The following CHIC1 variants were observed in gnomAD, a reference collection of about 807,000 sequenced individuals.
The protein encoded by CHIC1 is cysteine rich hydrophobic domain 1, also known as cysteine-rich hydrophobic domain-containing protein 1.
A neutral mutation model predicts 18.5 loss-of-function variants in CHIC1; 7 were observed. The ratio of observed to expected loss-of-function variants is 0.38; its 90% CI spans 0.22 to 0.71. The LOEUF is 0.71. CHIC1 is among the 30% of genes least tolerant of loss of function. The pLI is 0.49. For synonymous variants in CHIC1, 77 were observed against 73.5 expected, an observed-to-expected ratio of 1.05 and a Z score of -0.25; for missense variants, 159 against 176.9, an observed-to-expected ratio of 0.90 and a Z score of 0.57.
chrX:73,640,926 G>A (rs1455563892), intron 3 of CHIC1, among the ~76,000 whole-genome samples: 1 of 111,212 alleles, frequency 9.0e-6, no homozygotes, highest in Non-Finnish European at 1.9e-5. Context: ...TCTTCTAGTT[G>A]TGGTTTAGGT....
At chrX:73,563,690 G>T in intron 1 of CHIC1, 110 bp downstream of exon 1, 1 of 770,695 alleles carries the variant, frequency 1.3e-6, no homozygotes, top group South Asian at 5.8e-5. Context: ...ATTGACTGAG[G>T]CGTACACTTA....
intron 3 of CHIC1, among the ~76,000 whole-genome samples, chrX:73,597,294 G>A (rs1017378981): frequency 2.7e-5 from 3 of 111,083 alleles, no homozygotes; most frequent in Admixed American, 1.9e-4. Context: ...CTTTTTTGAA[G>A]AGATGTCTGT....
intron 1 of CHIC1, among the ~76,000 whole-genome samples, chrX:73,571,865 T>A (rs1222309057): frequency 9.0e-6 from 1 of 110,834 alleles, no homozygotes; most frequent in African/African-American, 3.3e-5. Context: ...ATATAGAGAG[T>A]TTTTGTGCTT....
chrX:73,565,238 A>G (rs758278603), intron 1 of CHIC1, among the ~76,000 whole-genome samples: 89 of 111,963 alleles, frequency 7.9e-4, no homozygotes, highest in African/African-American at 2.7e-3. Context: ...ATTATGTTAC[A>G]TGACCGTTTA....
At chrX:73,662,635 A>G (rs1044763710) in intron 3 of CHIC1, among the ~76,000 whole-genome samples, 1 of 108,350 alleles carries the variant, frequency 9.2e-6, no homozygotes, top group African/African-American at 3.4e-5. Flanking sequence ...TCGCCTAGTA[A>G]TTTCTGATAA....
intron 3 of CHIC1, among the ~76,000 whole-genome samples, chrX:73,643,084 A>C (rs1355681224): frequency 9.0e-6 from 1 of 111,443 alleles, no homozygotes; most frequent in East Asian, 2.8e-4. Context: ...ATCTCTCAGC[A>C]TTTGCTTGTC....
At chrX:73,650,826 C>T (rs1248409514) in intron 3 of CHIC1, among the ~76,000 whole-genome samples, 1 of 111,287 alleles carries the variant, frequency 9.0e-6, no homozygotes, top group East Asian at 2.8e-4. Context: ...AGGAACTCCT[C>T]CCTAACTCAT....
chrX:73,626,022 G>A lies in CHIC1; in HGVS notation c.507+41450G>A, dbSNP rs185550065. Among the ~76,000 whole-genome samples, 16 of 110,971 alleles carry A rather than the reference G, an allele frequency of 1.4e-4. No individual in the cohort carries two copies. The East Asian group carries it at 3.4e-3, about 24-fold the overall frequency. ...GTATCATCCCTTCATGGTTCGCCAG[G>A]AAGATGTTACTAGAAAGGGGTCCGG... On this transcript the variant is annotated intron_variant, in intron 3 of 5. Transcript: ENST00000373502.
intron 3 of CHIC1, among the ~76,000 whole-genome samples, chrX:73,598,457 A>G (rs186520722): frequency 0.021 from 2,057 of 100,203 alleles, 84 homozygotes; most frequent in African/African-American, 0.072. Context: ...CATTAGGTAT[A>G]TCTCCCAGTG....
At chrX:73,598,009 C>A (rs1202539883) in intron 3 of CHIC1, among the ~76,000 whole-genome samples, 1 of 111,539 alleles carries the variant, frequency 9.0e-6, no homozygotes, top group Admixed American at 9.6e-5. Context: ...TTTTCTTTAT[C>A]CAGAGTATCA....
intron 3 of CHIC1, among the ~76,000 whole-genome samples, chrX:73,623,543 T>C (rs1374433433): frequency 1.8e-5 from 2 of 110,391 alleles, no homozygotes; most frequent in Admixed American, 9.7e-5. Flanking sequence ...TGGTAAACAT[T>C]CCTCCATCCT....
At chrX:73,658,748 A>G (rs2057964353) in intron 3 of CHIC1, among the ~76,000 whole-genome samples, 1 of 111,498 alleles carries the variant, frequency 9.0e-6, no homozygotes, top group African/African-American at 3.3e-5. Flanking sequence ...AGGTCTTTCT[A>G]GCATTTTGAT....
At chrX:73,631,160 AG>A (rs2057805049) in intron 3 of CHIC1, among the ~76,000 whole-genome samples, 1 of 111,095 alleles carries the variant, frequency 9.0e-6, no homozygotes, top group Admixed American at 9.5e-5. Context: ...AGCTAGCAAA[AG>A]GTTTGTCAAT....
At chrX:73,656,178 G>T (rs2057948096) in intron 3 of CHIC1, among the ~76,000 whole-genome samples, 1 of 111,002 alleles carries the variant, frequency 9.0e-6, no homozygotes, top group African/African-American at 3.3e-5. Context: ...TTTGTTTAAG[G>T]TCCTTGTAGA....
chrX:73,582,923 C>T (rs759739156), intron 2 of CHIC1, among the ~76,000 whole-genome samples: 122 of 110,394 alleles, frequency 1.1e-3, no homozygotes, highest in Non-Finnish European at 2.0e-3. Flanking sequence ...TTAGTGCACT[C>T]TTGTGCACTA....
At chrX:73,663,489 A>C (rs918219704) in intron 3 of CHIC1, among the ~76,000 whole-genome samples, 1 of 110,384 alleles carries the variant, frequency 9.1e-6, no homozygotes, top group Non-Finnish European at 1.9e-5. Context: ...GAGGTTGTAT[A>C]AGTGCCTTTC....
At chrX:73,644,617 T>C (rs2057878486) in intron 3 of CHIC1, among the ~76,000 whole-genome samples, 1 of 112,320 alleles carries the variant, frequency 8.9e-6, no homozygotes, top group Non-Finnish European at 1.9e-5. Context: ...ACTGCCGCCT[T>C]GCATTTTGAT....
At chrX:73,571,008 A>G (rs1242858476) in intron 1 of CHIC1, among the ~76,000 whole-genome samples, 1 of 111,470 alleles carries the variant, frequency 9.0e-6, no homozygotes, top group African/African-American at 3.2e-5. Context: ...TGACAGTATC[A>G]AAAATCAAGT....
intron 3 of CHIC1, 112 bp downstream of exon 3, chrX:73,584,684 AC>A: frequency 1.9e-6 from 1 of 534,896 alleles, no homozygotes; most frequent in South Asian, 6.6e-5. Flanking sequence ...AATTCTTGTA[AC>A]AATGCTATCT....
Sources: gnomAD v4.1 joint callset for allele counts (sites outside exome capture counted in the v4.1 genomes callset) on GRCh38, gnomAD v4.1.1 for gene constraint, MANE v1.5 for transcripts, NCBI Gene and HGNC (gene_info 2026-07-23, HGNC 2026-07-21) for gene names.